The following BRCA2 variants were observed in gnomAD, a reference collection of about 807,000 sequenced individuals.
BRCA2 encodes the protein BRCA2 DNA repair associated.
BRCA2 carries 203 observed loss-of-function variants against 276.7 expected under a neutral mutation model. That is an observed-to-expected ratio of 0.73 (90% CI 0.65 to 0.82). The LOEUF (loss-of-function observed/expected upper bound fraction) is 0.82, where lower values mean the gene tolerates loss of function less well. Ranked by LOEUF, BRCA2 falls within the 40% of genes least tolerant of loss-of-function variation. The pLI, the probability that BRCA2 is intolerant of heterozygous loss-of-function variation, is 0.00. For missense variants in BRCA2, 3,920 were observed against 3,915.0 expected, an observed-to-expected ratio of 1.00 and a Z score of -0.03; for synonymous variants, 1,289 against 1,338.4, an observed-to-expected ratio of 0.96 and a Z score of 0.81.
At chr13:32,378,756 A>T (rs2072891038) in intron 21 of BRCA2, among the ~76,000 whole-genome samples, 1 of 152,194 alleles carries the variant, frequency 6.6e-6, no homozygotes, top group African/African-American at 2.4e-5. Context: ...TGCTAAAGTG[A>T]GTAGGACAGA....
intron 11 of BRCA2, among the ~76,000 whole-genome samples, chr13:32,344,346 G>A (rs1029103760): frequency 2.0e-5 from 3 of 152,030 alleles, no homozygotes; most frequent in Non-Finnish European, 2.9e-5. Context: ...TTAAATAGTG[G>A]TGTTTTAAAG....
At chr13:32,322,621 G>A (rs2072313906) in intron 3 of BRCA2, among the ~76,000 whole-genome samples, 1 of 152,178 alleles carries the variant, frequency 6.6e-6, no homozygotes, top group Non-Finnish European at 1.5e-5. Context: ...CCTCATTCCG[G>A]TAAACCCACA....
chr13:32,363,337 A>T lies in BRCA2; in HGVS notation c.8135A>T (p.Asp2712Val), dbSNP rs80359057. The T allele has an allele frequency of 4.3e-6, 7 of 1,614,196 alleles. No individual in the cohort carries two copies. The highest frequency in any genetic ancestry group is 5.9e-6 in the Non-Finnish European group (7 of 1,180,020). The change falls in exon 18 of 27, where the codon GAT becomes GTT. Residue 2712 changes from aspartate to valine, a missense_variant. By Grantham distance (152) the Asp-to-Val change is radical (BLOSUM62 -3). Coordinates refer to ENST00000380152, the MANE Select transcript of BRCA2 (RefSeq NM_000059.4). ...TCTAGCAATAAAACTAGTAGTGCAGATACCCAAAAAGTGGCCATTATTGAA... is the reference window on the plus strand; with the variant it reads ...TCTAGCAATAAAACTAGTAGTGCAGTTACCCAAAAAGTGGCCATTATTGAA... ...ETSSNKTSSADTQKVAIIELT... is the reference protein window; with the variant it reads ...ETSSNKTSSAVTQKVAIIELT...
chr13:32,355,908 A>T (rs1262875653), intron 14 of BRCA2, among the ~76,000 whole-genome samples: 1 of 151,912 alleles, frequency 6.6e-6, no homozygotes, highest in Non-Finnish European at 1.5e-5. Context: ...TAGTAAAGAT[A>T]TTCATATTTA....
chr13:32,392,235 C>T lies in BRCA2; in HGVS notation c.9257-2454C>T, dbSNP rs377122285. On this transcript the variant is annotated intron_variant, in intron 24 of 26. Coordinates refer to ENST00000380152, the MANE Select transcript of BRCA2 (RefSeq NM_000059.4). ...CATTTCCATTCCCTGTTATTTACAACGGATACATAATTCTCAGAGTAACAA... is the reference window on the plus strand; with the variant it reads ...CATTTCCATTCCCTGTTATTTACAATGGATACATAATTCTCAGAGTAACAA... Among the ~76,000 whole-genome samples, 20 of 152,236 alleles carry T rather than the reference C, an allele frequency of 1.3e-4. 1 individual carries two copies. Among genetic ancestry groups the T allele is most frequent in the African/African-American group, 4.3e-4 (18 of 41,560 alleles).
chr13:32,340,951 CTTT>C lies in BRCA2; in HGVS notation c.6599_6601del (p.Phe2200del). 1 of 1,609,214 alleles carries C rather than the reference CTTT, an allele frequency of 6.2e-7. No homozygotes were observed. The highest frequency in any genetic ancestry group is 1.3e-5 in the African/African-American group (1 of 74,640). On this transcript the variant is annotated inframe_deletion, in exon 11 of 27. Coordinates refer to ENST00000380152, the MANE Select transcript of BRCA2 (RefSeq NM_000059.4). Reference sequence around the variant, plus strand: ...AAAATGGAAATTGGTAAAACTGAAACTTTTTCTGATGTTCCTGTGAAAACAAAT... The same window carrying C: ...AAAATGGAAATTGGTAAAACTGAAACTTCTGATGTTCCTGTGAAAACAAAT...
intron 12 of BRCA2, among the ~76,000 whole-genome samples, chr13:32,345,904 A>G (rs1021433814): frequency 7.2e-5 from 11 of 152,106 alleles, no homozygotes; most frequent in African/African-American, 2.6e-4. Context: ...GGATTTTCAG[A>G]TTAGGGATAC....
At chr13:32,360,782 G>T (rs1593922978) in intron 16 of BRCA2, among the ~76,000 whole-genome samples, 1 of 152,200 alleles carries the variant, frequency 6.6e-6, no homozygotes, top group African/African-American at 2.4e-5. Flanking sequence ...TTGGACCAGG[G>T]AAGTGGCAGT....
intron 3 of BRCA2, 103 bp downstream of exon 3, chr13:32,319,428 A>C: frequency 8.4e-7 from 1 of 1,194,900 alleles, no homozygotes; most frequent in Non-Finnish European, 1.2e-6. Flanking sequence ...CATGCTGGGC[A>C]AATCAGTCTC....
intron 2 of BRCA2, among the ~76,000 whole-genome samples, chr13:32,317,164 A>G (rs1294198816): frequency 6.6e-6 from 1 of 152,230 alleles, no homozygotes; most frequent in Non-Finnish European, 1.5e-5. Flanking sequence ...ATGCCACTGC[A>G]CTCTAGCCTG....
intron 16 of BRCA2, among the ~76,000 whole-genome samples, chr13:32,359,886 C>T (rs1214543859): frequency 6.6e-6 from 1 of 151,268 alleles, no homozygotes; most frequent in Non-Finnish European, 1.5e-5. Flanking sequence ...ATTCTGGGTA[C>T]TAGGGATAAT....
chr13:32,343,090 T>C (rs952537474), intron 11 of BRCA2, among the ~76,000 whole-genome samples: 3 of 152,084 alleles, frequency 2.0e-5, no homozygotes, highest in South Asian at 2.1e-4. Context: ...TAAAGTCTTA[T>C]AGGATGACCA....
Position 32,338,316 on chromosome 13 carries a change from G to A in BRCA2, c.3961G>A (p.Asp1321Asn), listed in dbSNP as rs750055488. Reference protein sequence around the residue: ...ENYKRNTENEDNKYTAASRNS... With the variant: ...ENYKRNTENENNKYTAASRNS... ...TTACAAGAGAAATACTGAAAATGAA[G>A]ATAACAAATATACTGCTGCCAGTAG... is the stretch of plus-strand genomic sequence containing the variant. Residue 1321 changes from aspartate (D) to asparagine (N), a missense_variant, in exon 11 of 27, where the codon GAT becomes AAT. Physicochemically the swap from Asp to Asn is conservative, Grantham distance 23. Coordinates refer to ENST00000380152, the MANE Select transcript of BRCA2 (RefSeq NM_000059.4). 1 of 1,584,228 alleles carries A rather than the reference G, an allele frequency of 6.3e-7. No individual in the cohort carries two copies. The highest frequency in any genetic ancestry group is 8.6e-7 in the Non-Finnish European group (1 of 1,168,144).
intron 24 of BRCA2, among the ~76,000 whole-genome samples, chr13:32,382,137 A>G (rs2072928800): frequency 6.6e-6 from 1 of 152,194 alleles, no homozygotes. Flanking sequence ...TATTTTTAGT[A>G]GAGACGGGGT....
chr13:32,387,675 T>C (rs924674249), intron 24 of BRCA2, among the ~76,000 whole-genome samples: 4 of 152,198 alleles, frequency 2.6e-5, no homozygotes, highest in Non-Finnish European at 4.4e-5. Flanking sequence ...TTGTCCACTT[T>C]TATGCTTCTC....
At chr13:32,355,324 T>C in intron 14 of BRCA2, 36 bp downstream of exon 14, 1 of 1,609,544 alleles carries the variant, frequency 6.2e-7, no homozygotes, top group South Asian at 1.1e-5. Flanking sequence ...AATTTTTGCC[T>C]TTCAGTTAGA....
At chr13:32,320,723 A>G (rs2072300997) in intron 3 of BRCA2, among the ~76,000 whole-genome samples, 1 of 152,218 alleles carries the variant, frequency 6.6e-6, no homozygotes, top group South Asian at 2.1e-4. Context: ...AAATATTTAC[A>G]TGTATGTTAT....
In BRCA2 at chr13:32,343,116, A is replaced by G. The variant is rs188480303; in HGVS notation, c.6842-1442A>G. Among the ~76,000 whole-genome samples, 79 of 152,084 alleles carry G rather than the reference A, an allele frequency of 5.2e-4. No individual in the cohort carries two copies. The Middle Eastern group carries it at 0.01, about 20-fold the overall frequency. ...AGGATGACCATTGCATATGTGGTCT[A>G]TTGTTGACCAAAATGTCATTATGTG... On this transcript the variant is annotated intron_variant, in intron 11 of 26. Coordinates refer to ENST00000380152, the MANE Select transcript of BRCA2 (RefSeq NM_000059.4).
chr13:32,390,209 C>T (rs1377951172), intron 24 of BRCA2, among the ~76,000 whole-genome samples: 1 of 152,066 alleles, frequency 6.6e-6, no homozygotes, highest in Non-Finnish European at 1.5e-5. Flanking sequence ...GTCCCCTGTC[C>T]CTTAGAAAAT....
Sources: allele counts gnomAD v4.1 joint callset (sites outside exome capture counted in the v4.1 genomes callset), GRCh38; gene constraint gnomAD v4.1.1; transcripts MANE v1.5; gene names NCBI Gene and HGNC (gene_info 2026-07-23, HGNC 2026-07-21).